The following LIPH variants were observed in gnomAD, a reference collection of about 807,000 sequenced individuals.
LIPH encodes lipase H, also known as lipase member H.
In LIPH, 32 loss-of-function variants were observed where a neutral mutation model predicts 47.6. The observed-to-expected ratio is 0.67, with a 90% CI of 0.51 to 0.90. LIPH has a LOEUF of 0.90. LIPH is among the 40% of genes least tolerant of loss of function. The probability of loss-of-function intolerance (pLI) is 0.00; values close to 1 mark genes in which losing one functional copy is unlikely to be tolerated. For missense variants in LIPH, 497 were observed against 541.4 expected (o/e 0.92, Z 0.81); for synonymous variants, 190 against 195.6 (o/e 0.97, Z 0.24).
At chr3:185,529,976 A>AAGAGAGAG (rs762824845) in intron 3 of LIPH, among the ~76,000 whole-genome samples, 3 of 104,882 alleles carry the variant, frequency 2.9e-5, no homozygotes, top group Non-Finnish European at 6.4e-5. Flanking sequence ...GAAAGAAAGA[A>AAGAGAGAG]AGAGAGAGAG....
chr3:185,511,661 A>G lies in LIPH; in HGVS notation c.1131T>C (p.Ser377=), dbSNP rs1306329769. The G allele has an allele frequency of 6.2e-7, 1 of 1,613,438 alleles. No homozygotes were observed. The highest frequency in any genetic ancestry group is 2.2e-5 in the East Asian group (1 of 44,870). The change falls in exon 9 of 10, where the codon AGT becomes AGC. Residue 377 remains serine, a synonymous_variant. Coordinates refer to ENST00000296252, the MANE Select transcript of LIPH (RefSeq NM_139248.3). ...GATCTTGATTAAATCTTGCAAGTAGACTCACTTGGTGATATTTCTGAAATG... is the reference window on the plus strand; with the variant it reads ...GATCTTGATTAAATCTTGCAAGTAGGCTCACTTGGTGATATTTCTGAAATG... ...PTTFQKYHQV[S]LLARFNQDLD...
intron 1 of LIPH, among the ~76,000 whole-genome samples, chr3:185,536,007 A>AC (rs1404863660): frequency 6.6e-6 from 1 of 152,120 alleles, no homozygotes; most frequent in Non-Finnish European, 1.5e-5. Context: ...CTCAAAAGCC[A>AC]CCTTAATGAA....
At chr3:185,533,924 G>A (rs375718417) in intron 2 of LIPH, among the ~76,000 whole-genome samples, 1 of 152,210 alleles carries the variant, frequency 6.6e-6, no homozygotes, top group African/African-American at 2.4e-5. Context: ...AGCAGAGCAG[G>A]ATTCAAAATA....
At chr3:185,536,226 T>C (rs2148960362) in intron 1 of LIPH, among the ~76,000 whole-genome samples, 1 of 152,308 alleles carries the variant, frequency 6.6e-6, no homozygotes, top group East Asian at 1.9e-4. Flanking sequence ...GCCCAGCACA[T>C]GGTAGAGGAC....
intron 5 of LIPH, among the ~76,000 whole-genome samples, chr3:185,521,190 T>C (rs1054244598): frequency 2.0e-5 from 3 of 152,162 alleles, no homozygotes; most frequent in African/African-American, 4.8e-5. Context: ...CTATCTTGAA[T>C]AGAATAACTT....
chr3:185,519,836 CAAAAAAAAAAAAAA>C (rs145391972), intron 5 of LIPH, among the ~76,000 whole-genome samples: 23 of 53,790 alleles, frequency 4.3e-4, no homozygotes, highest in African/African-American at 1.7e-3. Context: ...CACTCCATCT[CAAAAAAAAAAAAAA>C]AAAAAAAAAA....
chr3:185,525,222 A>C (rs1035289849), intron 4 of LIPH, among the ~76,000 whole-genome samples: 3 of 152,086 alleles, frequency 2.0e-5, no homozygotes, highest in African/African-American at 7.2e-5. Context: ...AAAAAATAAT[A>C]ATAATAAACA....
chr3:185,549,359 C>A (rs1356984389), intron 1 of LIPH, among the ~76,000 whole-genome samples: 1 of 152,058 alleles, frequency 6.6e-6, no homozygotes, highest in Non-Finnish European at 1.5e-5. Flanking sequence ...TTCACCTTTG[C>A]CAACTTGTTA....
chr3:185,515,134 G>A (rs1719686728), intron 7 of LIPH, among the ~76,000 whole-genome samples: 1 of 151,932 alleles, frequency 6.6e-6, no homozygotes, highest in Non-Finnish European at 1.5e-5. Flanking sequence ...GCCATACTCT[G>A]GACTCTCCCC....
intron 8 of LIPH, among the ~76,000 whole-genome samples, chr3:185,513,478 G>A (rs1719633723): frequency 6.6e-6 from 1 of 152,166 alleles, no homozygotes; most frequent in Non-Finnish European, 1.5e-5. Context: ...TGCACCATCA[G>A]TGGGATTGGA....
At chr3:185,529,970 G>GAA (rs752597958) in intron 3 of LIPH, among the ~76,000 whole-genome samples, 1 of 67,490 alleles carries the variant, frequency 1.5e-5, no homozygotes, top group Non-Finnish European at 3.6e-5. Flanking sequence ...AAGAAGGAAA[G>GAA]AAAGAAAGAG....
intron 3 of LIPH, among the ~76,000 whole-genome samples, chr3:185,532,907 C>T (rs1720377417): frequency 6.6e-6 from 1 of 151,898 alleles, no homozygotes; most frequent in Non-Finnish European, 1.5e-5. Context: ...TCCCCTTTTT[C>T]CATCCACTTC....
At chr3:185,513,356 G>C (rs774876395) in intron 8 of LIPH, among the ~76,000 whole-genome samples, 1 of 143,250 alleles carries the variant, frequency 7.0e-6, no homozygotes, top group African/African-American at 2.6e-5. Flanking sequence ...AAAAAAAAAA[G>C]ATGTAAATGT....
intron 1 of LIPH, among the ~76,000 whole-genome samples, chr3:185,538,640 G>A (rs568867510): frequency 1.3e-3 from 4 of 3,026 alleles, no homozygotes; most frequent in Non-Finnish European, 0.013. Context: ...TATGCTTAAT[G>A]TTTCAGGTGT....
In LIPH at chr3:185,508,630, G is replaced by T. The variant is rs1719456467; in HGVS notation, c.*160C>A. 3.0e-6 allele frequency: 2 copies of T among 661,918 alleles called. No homozygotes were observed. Among genetic ancestry groups the T allele is most frequent in the Non-Finnish European group, 5.5e-6 (2 of 365,102 alleles). 41.0% of individuals were successfully genotyped at this position (661,918 alleles called of 1,614,324 possible). ...CCCAGGATCGTTTTATAATCACAAG[G>T]TTGTTTGATGTACAATGTGACATCC... On this transcript the variant is annotated 3_prime_UTR_variant, in exon 10 of 10. Coordinates refer to ENST00000296252, the MANE Select transcript of LIPH (RefSeq NM_139248.3).
intron 7 of LIPH, among the ~76,000 whole-genome samples, chr3:185,515,439 A>G (rs1218214770): frequency 6.6e-6 from 1 of 152,128 alleles, no homozygotes; most frequent in Non-Finnish European, 1.5e-5. Context: ...CTTGCCCCAT[A>G]CAGACCAGGT....
intron 6 of LIPH, among the ~76,000 whole-genome samples, chr3:185,518,410 G>A (rs996285828): frequency 6.6e-6 from 1 of 152,074 alleles, no homozygotes; most frequent in Admixed American, 6.6e-5. Flanking sequence ...CTCCCAAGTA[G>A]CTGGGATTTC....
chr3:185,531,574 G>A (rs1381608986), intron 3 of LIPH, among the ~76,000 whole-genome samples: 17 of 141,332 alleles, frequency 1.2e-4, no homozygotes, highest in Middle Eastern at 3.8e-3. Context: ...AAAAAAAAAA[G>A]AAGAAGACTT....
intron 1 of LIPH, among the ~76,000 whole-genome samples, chr3:185,538,406 A>C (rs557196433): frequency 6.6e-6 from 1 of 152,332 alleles, no homozygotes; most frequent in African/African-American, 2.4e-5. Context: ...AAAGAGATAG[A>C]GTGTAAGATG....
Sources: gnomAD v4.1 joint callset for allele counts (sites outside exome capture counted in the v4.1 genomes callset) on GRCh38, gnomAD v4.1.1 for gene constraint, MANE v1.5 for transcripts, NCBI Gene and HGNC (gene_info 2026-07-23, HGNC 2026-07-21) for gene names.